The following ECE1 variants were observed in gnomAD, a reference collection of about 807,000 sequenced individuals.
The protein encoded by ECE1 is endothelin-converting enzyme 1.
A neutral mutation model predicts 98.6 loss-of-function variants in ECE1; 35 were observed. The observed-to-expected ratio is 0.35, with a 90% CI of 0.27 to 0.47. The LOEUF (loss-of-function observed/expected upper bound fraction) is 0.47. Ranked by LOEUF, ECE1 falls within the 20% of genes least tolerant of loss-of-function variation. The pLI, the probability that ECE1 is intolerant of heterozygous loss-of-function variation, is 1.00. For missense variants in ECE1, 814 were observed against 1,025.3 expected, an observed-to-expected ratio of 0.79 and a Z score of 2.81; for synonymous variants, 394 against 407.1, an observed-to-expected ratio of 0.97 and a Z score of 0.39.
chr1:21,253,925 C>A (rs962104000), intron 8 of ECE1, among the ~76,000 whole-genome samples: 2 of 151,754 alleles, frequency 1.3e-5, no homozygotes, highest in Admixed American at 6.6e-5. Context: ...AAAAATTAGC[C>A]GGGCGTGGTG....
intron 1 of ECE1, among the ~76,000 whole-genome samples, chr1:21,331,474 C>T (rs542441537): frequency 2.8e-4 from 43 of 151,966 alleles, no homozygotes; most frequent in African/African-American, 8.7e-4. Flanking sequence ...CTCAGTTACT[C>T]GAGAGGCTGA....
chr1:21,321,317 G>A (rs1174545197), intron 1 of ECE1, among the ~76,000 whole-genome samples: 4 of 152,196 alleles, frequency 2.6e-5, no homozygotes, highest in African/African-American at 9.7e-5. Flanking sequence ...TAACAGCTGG[G>A]AAGATACACA....
chr1:21,237,594 G>A (rs1389048614), intron 11 of ECE1, among the ~76,000 whole-genome samples: 3 of 152,098 alleles, frequency 2.0e-5, no homozygotes, highest in Non-Finnish European at 2.9e-5. Context: ...ATTGTATGCC[G>A]GTGCCCAGTG....
chr1:21,292,341 A>T (rs1373068603), upstream of ECE1, among the ~76,000 whole-genome samples: 4 of 145,484 alleles, frequency 2.7e-5, no homozygotes, highest in Admixed American at 2.1e-4. Context: ...CTCAGTTTCT[A>T]CAAGTTTCTT....
intron 3 of ECE1, among the ~76,000 whole-genome samples, chr1:21,277,164 T>C (rs539257769): frequency 1.6e-4 from 24 of 152,210 alleles, no homozygotes; most frequent in African/African-American, 5.1e-4. Context: ...CCAGCTCCAC[T>C]CCAGGGGAAG....
intron 1 of ECE1, among the ~76,000 whole-genome samples, chr1:21,306,337 T>G (rs939447750): frequency 1.3e-5 from 2 of 151,924 alleles, no homozygotes; most frequent in Non-Finnish European, 2.9e-5. Flanking sequence ...TTTTTTGTTT[T>G]TTTTTTTTTC....
chr1:21,291,825 T>TCAAA (rs1027188910), upstream of ECE1, among the ~76,000 whole-genome samples: 1 of 151,732 alleles, frequency 6.6e-6, no homozygotes, highest in African/African-American at 2.4e-5. Flanking sequence ...AGACTCCATC[T>TCAAA]CAAACAAACA....
Position 21,342,607 on chromosome 1 carries a change from T to TACAC in ECE1, c.3+2765_3+2768dup, listed in dbSNP as rs71014187. Among the ~76,000 whole-genome samples the TACAC allele has an allele frequency of 5.6e-3, 784 of 139,784 alleles. 7 individuals carry two copies. Among genetic ancestry groups the TACAC allele is most frequent in the East Asian group, 0.041 (193 of 4,696 alleles). The allele number at this position is 139,784 out of a possible 152,430, so 91.7% of individuals were successfully genotyped here. A position where few individuals can be genotyped will look rare whatever the true frequency, so the allele number is the denominator to read the frequency against. On this transcript the variant is annotated intron_variant, in intron 1 of 18. Transcript: ENST00000415912. The stretch of plus-strand genomic sequence containing the variant: ...ACACAGACACACAGACACACACAGA[T>TACAC]ACACACACACACACACACACACACA...
rs763307161 is a variant in ECE1 at position 21,290,115 on chromosome 1, C to T, written c.93G>A (p.Leu31=). 1.9e-6 allele frequency: 3 copies of T among 1,557,050 alleles called. No individual in the cohort carries two copies. The highest frequency in any genetic ancestry group is 2.6e-6 in the Non-Finnish European group (3 of 1,152,466). ...YKRATLDEED[L]VDSLSEGDAY... ...CGTCGCCCTCGGAGAGCGAGTCCAC[C>T]AGGTCCTCCTCGTCCAGCGTGGCCC... Residue 31 remains leucine (L), a synonymous_variant, in exon 2 of 19, where the codon CTG becomes CTA. Coordinates refer to ENST00000374893, the MANE Select transcript of ECE1 (RefSeq NM_001397.3). The surrounding 1 kb of genome is among the most constrained non-coding windows in gnomAD (Gnocchi z 7.3).
At position 21,235,946 on chromosome 1, in the gene ECE1, G is replaced by A; in HGVS notation, c.1489-19C>T. The A allele has an allele frequency of 1.2e-6, 2 of 1,612,378 alleles. No individual in the cohort carries two copies. The highest frequency in any genetic ancestry group is 1.7e-6 in the Non-Finnish European group (2 of 1,178,362). The stretch of plus-strand genomic sequence containing the variant: ...CATCGGCCTGGACAGGACAGACAGA[G>A]GAAGTGAGTGCCCGGCAACATCGAC... On this transcript the variant is annotated intron_variant, in intron 12 of 18. Coordinates refer to ENST00000374893, the MANE Select transcript of ECE1 (RefSeq NM_001397.3). This position sits in a 1 kb window ranked among gnomAD's most constrained non-coding sequence, Gnocchi z 4.2.
intron 1 of ECE1, among the ~76,000 whole-genome samples, chr1:21,344,578 C>T (rs935932066): frequency 1.3e-5 from 2 of 152,152 alleles, no homozygotes. Flanking sequence ...AACAGCCCCC[C>T]CCCAGGAAGC....
intron 2 of ECE1, among the ~76,000 whole-genome samples, chr1:21,280,308 T>C (rs544341760): frequency 1.3e-5 from 2 of 152,280 alleles, no homozygotes; most frequent in East Asian, 3.9e-4. Context: ...TGCTAACAGC[T>C]GAGCACCAAC....
intron 1 of ECE1, among the ~76,000 whole-genome samples, chr1:21,320,233 T>C (rs1036121544): frequency 2.6e-5 from 4 of 151,976 alleles, no homozygotes; most frequent in Non-Finnish European, 4.4e-5. Context: ...CCCACGACTA[T>C]CTCCAGGCTC....
At chr1:21,253,817 T>C (rs2098216171) in intron 8 of ECE1, among the ~76,000 whole-genome samples, 1 of 148,574 alleles carries the variant, frequency 6.7e-6, no homozygotes, top group Non-Finnish European at 1.5e-5. Flanking sequence ...ATGCCTGTAA[T>C]CCCAGCACTT....
chr1:21,277,706 A>G (rs528483723), intron 3 of ECE1, among the ~76,000 whole-genome samples: 15 of 152,272 alleles, frequency 9.9e-5, no homozygotes, highest in Admixed American at 2.0e-4. Context: ...CTATCTGCAC[A>G]CCTATGGCAC....
chr1:21,335,173 G>A (rs1349268421), intron 1 of ECE1, among the ~76,000 whole-genome samples: 1 of 146,688 alleles, frequency 6.8e-6, no homozygotes, highest in Non-Finnish European at 1.5e-5. Flanking sequence ...CATCTCCCCC[G>A]CCCCCGTCTT....
upstream of ECE1, among the ~76,000 whole-genome samples, chr1:21,292,618 G>A (rs1024849336): frequency 2.0e-5 from 3 of 152,164 alleles, no homozygotes; most frequent in Non-Finnish European, 4.4e-5. Context: ...CTGGGGCTGG[G>A]ACCTTGTCTG....
At position 21,279,222 on chromosome 1, in the gene ECE1, G is replaced by A; in HGVS notation, c.249C>T (p.Cys83=). The change falls in exon 3 of 19, where the codon TGC becomes TGT. Residue 83 remains cysteine (C), a synonymous_variant. Coordinates refer to ENST00000374893, the MANE Select transcript of ECE1 (RefSeq NM_001397.3). The part of the protein sequence containing the change: ...VVLLAAGLVA[C]LAALGIQYQT... The stretch of plus-strand genomic sequence containing the variant: ...GGTACTGGATGCCCAGTGCTGCCAA[G>A]CAGGCCACCAGTCCTGCCGCCAGAA... The A allele has an allele frequency of 6.2e-7, 1 of 1,614,198 alleles. No homozygotes were observed. Among genetic ancestry groups the A allele is most frequent in the Non-Finnish European group, 8.5e-7 (1 of 1,180,042 alleles).
rs191900770 is a variant in ECE1 at position 21,319,893 on chromosome 1, T to G, written c.3+25483A>C. 1.3e-3 allele frequency among the ~76,000 whole-genome samples: 204 copies of G among 152,214 alleles called. No homozygotes were observed. The highest frequency in any genetic ancestry group is 2.6e-3 in the Non-Finnish European group (180 of 67,980). On this transcript the variant is annotated intron_variant, in intron 1 of 18. Coordinates refer to the ECE1 transcript ENST00000415912. The surrounding 1 kb of genome is among the most constrained non-coding windows in gnomAD (Gnocchi z 4.4). ...ACCCAGGCTGTCTTGAGTCCACAGG[T>G]GTCCCCACCCCACTCCAGATCTTCT...
Sources: gnomAD v4.1 joint callset for allele counts (sites outside exome capture counted in the v4.1 genomes callset) on GRCh38, gnomAD v4.1.1 for gene constraint, Gnocchi (gnomAD v3.1) non-coding constraint, MANE v1.5 for transcripts, NCBI Gene and HGNC (gene_info 2026-07-23, HGNC 2026-07-21) for gene names.